The following CNNM4 variants were observed in gnomAD, a reference collection of about 807,000 sequenced individuals.
CNNM4 encodes metal transporter CNNM4.
A neutral mutation model predicts 53.7 loss-of-function variants in CNNM4; 32 were observed. That is an observed-to-expected ratio of 0.60 (90% CI 0.45 to 0.80). CNNM4 has a LOEUF of 0.80. CNNM4 is among the 30% of genes least tolerant of loss of function. CNNM4 has a pLI of 0.00. For missense variants in CNNM4, 784 were observed against 1,022.0 expected (o/e 0.77, Z 3.17); for synonymous variants, 410 against 440.0 (o/e 0.93, Z 0.85).
At chr2:96,768,135 C>T (rs1479739605) in intron 1 of CNNM4, among the ~76,000 whole-genome samples, 1 of 152,296 alleles carries the variant, frequency 6.6e-6, no homozygotes, top group East Asian at 1.9e-4. Flanking sequence ...GTCAGATTTT[C>T]CCACTGACTT....
Position 96,761,283 on chromosome 2 carries a change from A to G in CNNM4, c.284A>G (p.Glu95Gly), listed in dbSNP as rs2078758878. The G allele has an allele frequency of 1.2e-6, 2 of 1,613,788 alleles. No individual in the cohort carries two copies. Among genetic ancestry groups the G allele is most frequent in the African/African-American group, 2.7e-5 (2 of 74,880 alleles). The change falls in exon 1 of 7, where the codon GAG becomes GGG. Residue 95 changes from glutamate (E) to glycine (G), a missense_variant. Physicochemically the swap from Glu to Gly is moderately conservative, Grantham distance 98 (BLOSUM62 -2). Transcript: ENST00000377075. This position sits in a 1 kb window ranked among gnomAD's most constrained non-coding sequence, Gnocchi z 6.0. ...NISSNLISFT[E>G]VDDAETLHKS... ...TCCAGCAACCTGATCTCCTTCACCG[A>G]GGTGGACGATGCCGAGACCCTCCAC...
chr2:96,804,074 T>A (rs556066314), intron 5 of CNNM4, among the ~76,000 whole-genome samples: 40 of 151,446 alleles, frequency 2.6e-4, no homozygotes, highest in African/African-American at 9.7e-4. Context: ...ATTTTTTTTT[T>A]AACTTTTTGT....
Position 96,761,140 on chromosome 2 carries a change from G to A in CNNM4, c.141G>A (p.Val47=). 6.2e-7 allele frequency: 1 copy of A among 1,603,478 alleles called. No homozygotes were observed. Among genetic ancestry groups the A allele is most frequent in the South Asian group, 1.1e-5 (1 of 89,860 alleles). The change falls in exon 1 of 7, where the codon GTG becomes GTA. Residue 47 remains valine (V), a synonymous_variant. Transcript: ENST00000377075. The surrounding 1 kb of genome is among the most constrained non-coding windows in gnomAD (Gnocchi z 6.0). ...GQGSPQQGTI[V]GMRLASCNKS... is the part of the protein sequence containing the mutation. ...GCAGCCCCCAGCAGGGCACGATCGT[G>A]GGCATGAGGCTGGCGAGCTGCAACA...
chr2:96,765,035 T>TTG (rs2078802793), intron 1 of CNNM4, among the ~76,000 whole-genome samples: 1 of 96,864 alleles, frequency 1.0e-5, no homozygotes, highest in African/African-American at 6.9e-5. Flanking sequence ...TTTTTTTTTT[T>TTG]TTTTTTTTTT....
chr2:96,782,238 CCT>C (rs917331511), intron 1 of CNNM4, among the ~76,000 whole-genome samples: 2 of 151,726 alleles, frequency 1.3e-5, no homozygotes, highest in African/African-American at 4.8e-5. Flanking sequence ...CCCAGAAGAC[CCT>C]GTCTTTACTG....
At chr2:96,792,479 C>G (rs907392986) in intron 1 of CNNM4, among the ~76,000 whole-genome samples, 1 of 151,972 alleles carries the variant, frequency 6.6e-6, no homozygotes, top group South Asian at 2.1e-4. Context: ...TACTTTTCTC[C>G]TCCTGCTAAA....
chr2:96,772,223 C>T (rs1171902593), intron 1 of CNNM4, among the ~76,000 whole-genome samples: 1 of 150,770 alleles, frequency 6.6e-6, no homozygotes, highest in African/African-American at 2.4e-5. Context: ...CACACACACT[C>T]ATACCCCCAC....
chr2:96,765,530 G>A (rs2078808849), intron 1 of CNNM4, among the ~76,000 whole-genome samples: 2 of 152,154 alleles, frequency 1.3e-5, no homozygotes, highest in African/African-American at 4.8e-5. Context: ...ACCCCAGGTT[G>A]GGTGAGGGTC....
Position 96,809,847 on chromosome 2 carries a change from T to C in CNNM4, c.*330T>C, listed in dbSNP as rs2079242140. 1 of 207,158 alleles carries C rather than the reference T, an allele frequency of 4.8e-6. No homozygotes were observed. The highest frequency in any genetic ancestry group is 9.7e-6 in the Non-Finnish European group (1 of 103,554). 12.8% of individuals were successfully genotyped at this position (207,158 alleles called of 1,614,324 possible). A position where few individuals can be genotyped will look rare whatever the true frequency, so the allele number is the denominator to read the frequency against. ...GAAGACAGGGTTAAGGAACTTTATT[T>C]AAAAAAAAAATATTTTTTTCCTAAA... On this transcript the variant is annotated 3_prime_UTR_variant, in exon 7 of 7. Transcript: ENST00000377075.
intron 1 of CNNM4, among the ~76,000 whole-genome samples, chr2:96,765,162 T>C (rs2078804947): frequency 6.7e-6 from 1 of 149,232 alleles, no homozygotes; most frequent in South Asian, 2.2e-4. Flanking sequence ...GTTTTGCTCT[T>C]GTTGTCCAGG....
chr2:96,773,153 A>G (rs148820369), intron 1 of CNNM4, among the ~76,000 whole-genome samples: 1 of 152,354 alleles, frequency 6.6e-6, no homozygotes, highest in Non-Finnish European at 1.5e-5. Flanking sequence ...CCCAAGAGTT[A>G]GAAGTCAGTT....
At chr2:96,806,536 C>CACACACACACGT (rs370826709) in intron 5 of CNNM4, among the ~76,000 whole-genome samples, 1 of 102,326 alleles carries the variant, frequency 9.8e-6, no homozygotes, top group Non-Finnish European at 2.0e-5. Context: ...CACACACACA[C>CACACACACACGT]GCGCGCGCGC....
intron 1 of CNNM4, among the ~76,000 whole-genome samples, chr2:96,771,575 G>A (rs990023457): frequency 2.6e-5 from 4 of 151,942 alleles, no homozygotes; most frequent in African/African-American, 9.7e-5. Context: ...TTAGCCGGTC[G>A]TGGTGGTGCA....
chr2:96,776,636 T>C (rs1180191946), intron 1 of CNNM4, among the ~76,000 whole-genome samples: 15 of 152,184 alleles, frequency 9.9e-5, no homozygotes, highest in Admixed American at 9.8e-4. Context: ...GGTTTTGAGA[T>C]GGAGTCTCGC....
chr2:96,796,168 A>G (rs2079101899), intron 1 of CNNM4, among the ~76,000 whole-genome samples: 1 of 110,674 alleles, frequency 9.0e-6, no homozygotes, highest in Admixed American at 1.2e-4. Context: ...TTTTTGAGAC[A>G]GAGTCTTGCT....
At position 96,801,747 on chromosome 2, in the gene CNNM4, C is replaced by T. The variant is rs2079161360; in HGVS notation, c.1948+2099C>T. The stretch of plus-strand genomic sequence containing the variant: ...TGCAGAGACCACACACACCCAGAGA[C>T]CACACACCCAGACACACACACAGAC... On this transcript the variant is annotated intron_variant, in intron 5 of 6. Transcript: ENST00000377075. This position sits in a 1 kb window ranked among gnomAD's most constrained non-coding sequence, Gnocchi z 5.6. Among the ~76,000 whole-genome samples, 1 of 150,998 alleles carries T rather than the reference C, an allele frequency of 6.6e-6. No homozygotes were observed.
At chr2:96,771,832 G>A (rs1015008418) in intron 1 of CNNM4, among the ~76,000 whole-genome samples, 7 of 152,112 alleles carry the variant, frequency 4.6e-5, no homozygotes, top group East Asian at 1.9e-4. Flanking sequence ...TCATCCTTTC[G>A]GAGTCTCTCA....
At position 96,791,154 on chromosome 2, in the gene CNNM4, T is replaced by C. The variant is rs1416971884; in HGVS notation, c.1403-5858T>C. On this transcript the variant is annotated intron_variant, in intron 1 of 6. Coordinates refer to ENST00000377075, the MANE Select transcript of CNNM4 (RefSeq NM_020184.4). ...AAAAAAAAAATTAAAATACAAAAAT[T>C]AGCCAGGCATGGTGGTGCATGCCTA... Among the ~76,000 whole-genome samples the C allele has an allele frequency of 2.0e-5, 3 of 151,294 alleles. No homozygotes were observed. The South Asian group carries it at 6.3e-4, about 32-fold the overall frequency.
At chr2:96,767,519 C>T (rs2678384) in intron 1 of CNNM4, among the ~76,000 whole-genome samples, 10 of 152,218 alleles carry the variant, frequency 6.6e-5, no homozygotes, top group Non-Finnish European at 8.8e-5. Context: ...GGGCAGAGCT[C>T]TGCACCCCCC....
Sources: allele counts gnomAD v4.1 joint callset (sites outside exome capture counted in the v4.1 genomes callset), GRCh38; gene constraint gnomAD v4.1.1; non-coding constraint Gnocchi (gnomAD v3.1); transcripts MANE v1.5; gene names NCBI Gene and HGNC (gene_info 2026-07-23, HGNC 2026-07-21).